GUK1: variants seen among roughly 807,000 people sequenced by gnomAD.
The protein encoded by GUK1 is guanylate kinase.
GUK1 carries 18 observed loss-of-function variants against 25.2 expected under a neutral mutation model. The observed-to-expected ratio is 0.71, with a 90% confidence interval of 0.49 to 1.06. The LOEUF is 1.06. Ranked by LOEUF, GUK1 falls within the 50% of genes least tolerant of loss-of-function variation. The pLI, the probability that GUK1 is intolerant of heterozygous loss-of-function variation, is 0.00. For synonymous variants in GUK1, 105 were observed against 117.6 expected (o/e 0.89, Z 0.69); for missense variants, 261 against 276.7 (o/e 0.94, Z 0.40).
intron 2 of GUK1, 138 bp from the exon 2 acceptor site, chr1:228,145,373 C>T: frequency 1.2e-6 from 1 of 864,110 alleles, no homozygotes; most frequent in South Asian, 2.0e-5. Context: ...AACACCCAGG[C>T]TCTCAGGAGA....
chr1:228,146,115 G>T, intron 4 of GUK1, 48 bp downstream of exon 3: 1 of 1,310,600 alleles, frequency 7.6e-7, no homozygotes, highest in Non-Finnish European at 1.1e-6. Context: ...GTGTGGGCAG[G>T]GCTGCTGGGC....
chr1:228,140,259 C>T, upstream of GUK1: 1 of 1,498,162 alleles, frequency 6.7e-7, no homozygotes, highest in Non-Finnish European at 9.0e-7. Flanking sequence ...TGGGCCGGTG[C>T]GGCGCTGTCA....
intron 2 of GUK1, among the ~76,000 whole-genome samples, chr1:228,142,531 G>C (rs888776772): frequency 1.3e-5 from 2 of 152,104 alleles, no homozygotes; most frequent in Non-Finnish European, 2.9e-5. Flanking sequence ...GCTTGGCGGG[G>C]TAAGGGTGGT....
chr1:228,146,626 T>C, intron 4 of GUK1: 1 of 577,188 alleles, frequency 1.7e-6, no homozygotes, highest in East Asian at 2.9e-5. Context: ...CAGTCTCGTA[T>C]CTCCATCAGT....
In GUK1 at chr1:228,146,929, A is replaced by G. The variant is rs1172468423; in HGVS notation, c.242A>G (p.Tyr81Cys). Residue 81 changes from tyrosine (Y) to cysteine (C), a missense_variant, in exon 5 of 9, where the codon TAT becomes TGT. By Grantham distance (194) the Tyr-to-Cys change is radical (BLOSUM62 -2). Transcript: ENST00000312726. ...CATGCCGAGTTCTCGGGGAACCTGT[A>G]TGGCACGAGGTGGGCCATGCGTGGG... is the stretch of plus-strand genomic sequence containing the variant. 1.9e-6 allele frequency: 3 copies of G among 1,611,968 alleles called. No homozygotes were observed. Among genetic ancestry groups the G allele is most frequent in the Non-Finnish European group, 2.5e-6 (3 of 1,178,232 alleles).
chr1:228,146,004 G>A (rs2034349299), intron 3 of GUK1, 22 bp from the exon 3 acceptor site: 3 of 1,598,260 alleles, frequency 1.9e-6, no homozygotes, highest in South Asian at 2.2e-5. Flanking sequence ...AGCCCCCGAT[G>A]GGTGACAGGT....
rs1571896302 is a variant in GUK1 at position 228,147,081 on chromosome 1, C to T, written c.251+143C>T. 4.4e-6 allele frequency: 3 copies of T among 683,168 alleles called. No individual in the cohort carries two copies. The East Asian group carries it at 8.0e-5, about 18-fold the overall frequency. 42.3% of individuals were successfully genotyped at this position (683,168 alleles called of 1,614,324 possible). ...CAGGTTGTGGCCCAGGGCCAGGCTC[C>T]CACGTCTGTGGCCCACAGTGGCTCT... On this transcript the variant is annotated intron_variant, in intron 5 of 8. Transcript: ENST00000312726.
At position 228,141,163 on chromosome 1, in the gene GUK1, C is replaced by T. The variant is rs11541247; in HGVS notation, c.-128C>T. On this transcript the variant is annotated 5_prime_UTR_variant, in exon 2 of 9. Coordinates refer to ENST00000312726, the MANE Select transcript of GUK1 (RefSeq NM_000858.7). Reference sequence around the variant, plus strand: ...TTACCTGGGGTTGCTGTCGAGGACCCTGTGCAAGACTCGGCCGGTTTTTCT... The same window carrying T: ...TTACCTGGGGTTGCTGTCGAGGACCTTGTGCAAGACTCGGCCGGTTTTTCT... The T allele has an allele frequency of 1.0e-6, 1 of 985,494 alleles. No individual in the cohort carries two copies. The highest frequency in any genetic ancestry group is 1.2e-6 in the Non-Finnish European group (1 of 829,968). 61.0% of individuals were successfully genotyped at this position (985,494 alleles called of 1,614,324 possible).
intron 3 of GUK1, 174 bp downstream of exon 2, chr1:228,145,798 C>A: frequency 1.3e-6 from 1 of 787,522 alleles, no homozygotes; most frequent in Non-Finnish European, 2.1e-6. Flanking sequence ...TCCTGCTGTC[C>A]TGCGTGCCTG....
intron 4 of GUK1, 34 bp from the exon 4 acceptor site, chr1:228,146,808 G>A (rs1240596518): frequency 6.9e-7 from 1 of 1,448,296 alleles, no homozygotes; most frequent in South Asian, 1.1e-5. Flanking sequence ...TGCAGGTCCA[G>A]TCTGCCCTCT....
chr1:228,147,341 T>A (rs1194619444), intron 5 of GUK1, 65 bp from the exon 5 acceptor site: 1 of 1,498,688 alleles, frequency 6.7e-7, no homozygotes, highest in East Asian at 2.3e-5. Context: ...GGCCTGGGTG[T>A]CCCTGAAGCT....
In GUK1 at chr1:228,148,243, G is replaced by T. The variant is rs750811449; in HGVS notation, c.476-128G>T. 5.3e-6 allele frequency: 4 copies of T among 757,676 alleles called. No individual in the cohort carries two copies. The Admixed American group carries it at 7.9e-5, about 15-fold the overall frequency. The allele number at this position is 757,676 out of a possible 1,614,324, so 46.9% of individuals were successfully genotyped here. On this transcript the variant is annotated intron_variant, in intron 7 of 8. Transcript: ENST00000312726. ...TCCCTACCCTGCACAGGCCCGGCTGGGCTGGAAAGCTGTCCCACAGCCGCA... is the reference window on the plus strand; with the variant it reads ...TCCCTACCCTGCACAGGCCCGGCTGTGCTGGAAAGCTGTCCCACAGCCGCA...
At chr1:228,144,072 TTG>T (rs746306951) in intron 2 of GUK1, among the ~76,000 whole-genome samples, 2 of 143,290 alleles carry the variant, frequency 1.4e-5, no homozygotes, top group African/African-American at 4.9e-5. Context: ...GTGCGTGCAT[TTG>T]TGTGTGTGTT....
chr1:228,148,258 C>T (rs11580599), intron 7 of GUK1, 113 bp from the exon 7 acceptor site: 37,088 of 815,392 alleles, frequency 0.045, 1,033 homozygotes, highest in East Asian at 0.11. Flanking sequence ...GAAAGCTGTC[C>T]CACAGCCGCA....
chr1:228,146,232 C>T (rs1164800943), intron 4 of GUK1, 165 bp downstream of exon 3: 21 of 604,976 alleles, frequency 3.5e-5, no homozygotes, highest in African/African-American at 5.6e-5. Context: ...AGGGTGTCAG[C>T]GCCACAGCGT....
intron 2 of GUK1, chr1:228,144,244 A>T (rs1162077537): frequency 1.3e-5 from 2 of 151,866 alleles, no homozygotes; most frequent in Non-Finnish European, 2.9e-5. Context: ...TAAATTGGGG[A>T]TTAGGAGGGC....
chr1:228,145,959 A>G, intron 3 of GUK1, 67 bp from the exon 3 acceptor site: 1 of 1,203,584 alleles, frequency 8.3e-7, no homozygotes, highest in Non-Finnish European at 1.2e-6. Flanking sequence ...TCGGGACTGC[A>G]AGGGAAACGC....
intron 2 of GUK1, among the ~76,000 whole-genome samples, chr1:228,143,216 C>T (rs1032349400): frequency 1.3e-5 from 2 of 152,112 alleles, no homozygotes; most frequent in Non-Finnish European, 2.9e-5. Flanking sequence ...AGGGCAGGAC[C>T]GGCCTTGGGG....
At chr1:228,143,174 C>T (rs2034156195) in intron 2 of GUK1, among the ~76,000 whole-genome samples, 2 of 152,114 alleles carry the variant, frequency 1.3e-5, no homozygotes, top group African/African-American at 4.8e-5. Context: ...GGTTCAGACC[C>T]GAAGAGCTTG....
Sources: gnomAD v4.1 joint callset for allele counts (sites outside exome capture counted in the v4.1 genomes callset) on GRCh38, gnomAD v4.1.1 for gene constraint, MANE v1.5 for transcripts, NCBI Gene and HGNC (gene_info 2026-07-23, HGNC 2026-07-21) for gene names.